The following KAZN variants were observed in gnomAD, a reference collection of about 807,000 sequenced individuals.
KAZN encodes the protein kazrin.
Under a neutral mutation model 87.4 loss-of-function variants are expected in KAZN, and 40 were observed. The observed-to-expected ratio is 0.46, with a 90% CI of 0.36 to 0.60. The LOEUF is 0.60. Among genes scored for constraint, KAZN ranks in the 20% least tolerant of loss-of-function variants. The pLI is 0.00. For missense variants in KAZN, 898 were observed against 1,073.9 expected (o/e 0.84, Z 2.29); for synonymous variants, 466 against 458.3 (o/e 1.02, Z -0.22).
chr1:14,728,678 C>T (rs1643533748), intron 1 of KAZN, among the ~76,000 whole-genome samples: 1 of 152,146 alleles, frequency 6.6e-6, no homozygotes, highest in Non-Finnish European at 1.5e-5. Flanking sequence ...AGGAGCATTG[C>T]TTTTGCAGAG....
At position 14,086,566 on chromosome 1, in the gene KAZN, C is replaced by T. The variant is rs141757332; in HGVS notation, c.92-93869C>T. Among the ~76,000 whole-genome samples, 990 of 152,268 alleles carry T rather than the reference C, an allele frequency of 6.5e-3. 10 individuals carry two copies. In the South Asian group the frequency reaches 0.066, roughly 10 times the overall value. ...TATCAATTGTTTCTTTTATATTTCA[C>T]ATTTACTCTAAAGAACTTTAAGTTT... On this transcript the variant is annotated intron_variant, in intron 1 of 16. Transcript: ENST00000636203.
intron 1 of KAZN, among the ~76,000 whole-genome samples, chr1:14,076,174 G>A (rs1057291336): frequency 2.0e-5 from 3 of 151,964 alleles, no homozygotes; most frequent in African/African-American, 4.8e-5. Flanking sequence ...CCAGCTACTC[G>A]GGAGGCTGAG....
chr1:14,943,563 G>A (rs561769834), intron 1 of KAZN, among the ~76,000 whole-genome samples: 9 of 152,314 alleles, frequency 5.9e-5, no homozygotes, highest in Non-Finnish European at 1.2e-4. Flanking sequence ...AGTACTTGCC[G>A]TGTGCCCAGC....
At chr1:14,057,140 G>T (rs1293523626) in intron 1 of KAZN, among the ~76,000 whole-genome samples, 17 of 141,822 alleles carry the variant, frequency 1.2e-4, no homozygotes, top group Admixed American at 1.4e-4. Flanking sequence ...TTGTTTGTTT[G>T]TTTTTTTTTT....
intron 1 of KAZN, among the ~76,000 whole-genome samples, chr1:14,035,502 C>A (rs528208623): frequency 6.6e-6 from 1 of 151,360 alleles, no homozygotes. Flanking sequence ...TTCTGTCTCC[C>A]AGGCTGGAGT....
intron 2 of KAZN, among the ~76,000 whole-genome samples, chr1:14,336,854 G>T (rs1436284492): frequency 6.6e-6 from 1 of 152,114 alleles, no homozygotes; most frequent in East Asian, 1.9e-4. Context: ...ATTCTTAGCA[G>T]ATATATGATT....
At chr1:13,893,330 C>G (rs1443531461) in exon 1 of KAZN, 1 of 217,780 alleles carries the variant, frequency 4.6e-6, no homozygotes, top group Non-Finnish European at 9.0e-6. Flanking sequence ...AGCCCCGGGC[C>G]GGGGGGCAAG....
At chr1:14,680,983 G>A (rs1640536068) in intron 1 of KAZN, among the ~76,000 whole-genome samples, 1 of 152,210 alleles carries the variant, frequency 6.6e-6, no homozygotes, top group Non-Finnish European at 1.5e-5. Context: ...GGCAGAAGAT[G>A]TAGAGGGAAC....
chr1:14,945,506 C>G (rs1418775403), intron 1 of KAZN, among the ~76,000 whole-genome samples: 3 of 152,214 alleles, frequency 2.0e-5, no homozygotes, highest in Non-Finnish European at 4.4e-5. Flanking sequence ...CCCTAGCAGT[C>G]TCCGCACTGG....
chr1:14,817,647 C>A (rs553349799), intron 1 of KAZN, among the ~76,000 whole-genome samples: 2 of 152,098 alleles, frequency 1.3e-5, no homozygotes, highest in African/African-American at 4.8e-5. Flanking sequence ...TTAGAAGTCA[C>A]GTGAGGTTAA....
intron 1 of KAZN, among the ~76,000 whole-genome samples, chr1:14,883,310 A>AGAGAGAGAGAGAGAGAGAG (rs1653552012): frequency 2.0e-5 from 1 of 49,402 alleles, no homozygotes; most frequent in Non-Finnish European, 4.2e-5. Flanking sequence ...GAAAGAAAGA[A>AGAGAGAGAGAGAGAGAGAG]AGAAAGAAAG....
At chr1:14,359,164 T>G (rs1269062877) in intron 2 of KAZN, among the ~76,000 whole-genome samples, 1 of 152,194 alleles carries the variant, frequency 6.6e-6, no homozygotes, top group Non-Finnish European at 1.5e-5. Context: ...TTGATCTCTT[T>G]ACCAATATCT....
chr1:14,025,561 G>C (rs533939875), intron 1 of KAZN, among the ~76,000 whole-genome samples: 1 of 151,946 alleles, frequency 6.6e-6, no homozygotes, highest in Non-Finnish European at 1.5e-5. Context: ...GTTTTCATAT[G>C]CACACTAAAT....
At chr1:14,150,175 C>T (rs1030674749) in intron 1 of KAZN, among the ~76,000 whole-genome samples, 1 of 152,190 alleles carries the variant, frequency 6.6e-6, no homozygotes, top group Admixed American at 6.5e-5. Flanking sequence ...AAAGGTTACA[C>T]AACAAGCCTG....
intron 1 of KAZN, chr1:14,929,841 A>G: frequency 1.0e-6 from 1 of 985,324 alleles, no homozygotes; most frequent in Non-Finnish European, 1.2e-6. Context: ...CACAAGGACA[A>G]CCTCTGTCTC....
chr1:14,814,313 G>GC (rs1364478459), intron 1 of KAZN, among the ~76,000 whole-genome samples: 4 of 152,030 alleles, frequency 2.6e-5, no homozygotes, highest in East Asian at 3.9e-4. Flanking sequence ...TGAAACCTCT[G>GC]CCCCCCGGGT....
chr1:15,032,383 G>A (rs1273963817), intron 2 of KAZN, among the ~76,000 whole-genome samples: 4 of 151,228 alleles, frequency 2.6e-5, no homozygotes, highest in African/African-American at 7.3e-5. Context: ...TAGTAGATTC[G>A]GGGTTTCACC....
At position 15,066,541 on chromosome 1, in the gene KAZN, T is replaced by C; in HGVS notation, c.1222+788T>C. The C allele has an allele frequency of 4.1e-6, 4 of 985,408 alleles. No individual in the cohort carries two copies. Among genetic ancestry groups the C allele is most frequent in the Non-Finnish European group, 4.8e-6 (4 of 829,868 alleles). 61.0% of individuals were successfully genotyped at this position (985,408 alleles called of 1,614,324 possible). A position where few individuals can be genotyped will look rare whatever the true frequency, so the allele number is the denominator to read the frequency against. ...ACGGCCTACCAGTTTTTAAATTGCATTGCCGTTTCTTTCTTTATGAAAAAA... is the reference window on the plus strand; with the variant it reads ...ACGGCCTACCAGTTTTTAAATTGCACTGCCGTTTCTTTCTTTATGAAAAAA... On this transcript the variant is annotated intron_variant, in intron 8 of 14. Transcript: ENST00000376030. This position sits in a 1 kb window ranked among gnomAD's most constrained non-coding sequence, Gnocchi z 4.3.
At chr1:13,929,543 G>T (rs921261658) in intron 1 of KAZN, among the ~76,000 whole-genome samples, 1 of 152,138 alleles carries the variant, frequency 6.6e-6, no homozygotes, top group African/African-American at 2.4e-5. Flanking sequence ...GTCAGCCTGG[G>T]GCTTTGGTGC....
Sources: gnomAD v4.1 joint callset for allele counts (sites outside exome capture counted in the v4.1 genomes callset) on GRCh38, gnomAD v4.1.1 for gene constraint, Gnocchi (gnomAD v3.1) non-coding constraint, MANE v1.5 for transcripts, NCBI Gene and HGNC (gene_info 2026-07-23, HGNC 2026-07-21) for gene names.